Variants in SRGAP1 observed in about 807,000 individuals in gnomAD.
The protein encoded by SRGAP1 is SLIT-ROBO Rho GTPase activating protein 1.
A neutral mutation model predicts 121.9 loss-of-function variants in SRGAP1; 43 were observed. The observed-to-expected ratio is 0.35, with a 90% CI of 0.28 to 0.46. SRGAP1 has a LOEUF of 0.46. SRGAP1 is among the 20% of genes least tolerant of loss of function. The pLI is 1.00. For missense variants in SRGAP1, 1,102 were observed against 1,350.9 expected (o/e 0.82, Z 2.89); for synonymous variants, 447 against 485.4 (o/e 0.92, Z 1.04).
At chr12:63,918,159 A>G (rs946611554) in intron 1 of SRGAP1, among the ~76,000 whole-genome samples, 1 of 152,210 alleles carries the variant, frequency 6.6e-6, no homozygotes, top group Non-Finnish European at 1.5e-5. Context: ...CTTGAGCAAT[A>G]AAAAGCCGCT....
At chr12:63,977,735 C>T (rs2033131175) in intron 1 of SRGAP1, among the ~76,000 whole-genome samples, 1 of 151,370 alleles carries the variant, frequency 6.6e-6, no homozygotes, top group Non-Finnish European at 1.5e-5. Context: ...GTGCATTGTT[C>T]TTGTTGGATT....
At chr12:64,066,895 T>A (rs765811860) in intron 8 of SRGAP1, among the ~76,000 whole-genome samples, 1 of 152,214 alleles carries the variant, frequency 6.6e-6, no homozygotes, top group Non-Finnish European at 1.5e-5. Context: ...TGTTTTTCCC[T>A]GCATATCCTC....
chr12:64,071,005 T>G (rs567399302), intron 8 of SRGAP1, among the ~76,000 whole-genome samples: 1 of 152,288 alleles, frequency 6.6e-6, no homozygotes, highest in South Asian at 2.1e-4. Flanking sequence ...GCCTTTAACT[T>G]CATTTTTACT....
At chr12:63,985,273 G>A (rs948343054) in intron 2 of SRGAP1, among the ~76,000 whole-genome samples, 1 of 152,262 alleles carries the variant, frequency 6.6e-6, no homozygotes, top group South Asian at 2.1e-4. Flanking sequence ...GCAAGGGGCC[G>A]GCAGGGAATG....
chr12:64,018,210 TCCAGAGTAGCTGGGATTACA>T (rs1056598629), intron 4 of SRGAP1, among the ~76,000 whole-genome samples: 1 of 152,168 alleles, frequency 6.6e-6, no homozygotes, highest in Non-Finnish European at 1.5e-5. Context: ...TGCCTCAGCC[TCCAGAGTAGCTGGGATTACA>T]GGCATGCGCC....
chr12:63,924,077 G>A (rs996656672), intron 1 of SRGAP1, among the ~76,000 whole-genome samples: 4 of 152,162 alleles, frequency 2.6e-5, no homozygotes, highest in African/African-American at 9.7e-5. Flanking sequence ...GGAGGTGGAG[G>A]TTGCAGGGAG....
chr12:64,101,309 G>C (rs1199763420), intron 15 of SRGAP1, among the ~76,000 whole-genome samples: 2 of 27,594 alleles, frequency 7.2e-5, no homozygotes, highest in South Asian at 2.5e-3. Context: ...GGGGAAAGGG[G>C]TGTGTGTGTG....
chr12:64,154,324 G>C lies in SRGAP1; in HGVS notation c.*11652G>C, dbSNP rs998703980. On this transcript the variant is annotated 3_prime_UTR_variant, in exon 22 of 22. Coordinates refer to ENST00000355086, the MANE Select transcript of SRGAP1 (RefSeq NM_020762.4). The stretch of plus-strand genomic sequence containing the variant: ...AATTTTAAACATCACTGTAGATGTT[G>C]TAGTTGTGTTTGGGGTCCACGGGTG... 1 of 152,134 alleles carries C rather than the reference G, an allele frequency of 6.6e-6. No individual in the cohort carries two copies. Among genetic ancestry groups the C allele is most frequent in the African/African-American group, 2.4e-5 (1 of 41,434 alleles). 9.4% of individuals were successfully genotyped at this position (152,134 alleles called of 1,614,324 possible). A position where few individuals can be genotyped will look rare whatever the true frequency, so the allele number is the denominator to read the frequency against.
At chr12:64,059,541 A>G (rs553607240) in intron 6 of SRGAP1, among the ~76,000 whole-genome samples, 1 of 152,244 alleles carries the variant, frequency 6.6e-6, no homozygotes, top group African/African-American at 2.4e-5. Context: ...CTGCTGCATT[A>G]TAATCCAGTA....
At position 63,954,366 on chromosome 12, in the gene SRGAP1, T is replaced by C. The variant is rs755388307; in HGVS notation, c.68-29581T>C. On this transcript the variant is annotated intron_variant, in intron 1 of 21. Transcript: ENST00000355086. The stretch of plus-strand genomic sequence containing the variant: ...TCTTTGCCTTATTTAAATGGAATTT[T>C]CCCCCATCTTTCTCATTAAAAAGAA... Among the ~76,000 whole-genome samples the C allele has an allele frequency of 3.3e-5, 5 of 152,314 alleles. No individual in the cohort carries two copies. The South Asian group carries it at 6.2e-4, about 19-fold the overall frequency.
At chr12:64,082,815 C>T (rs939319177) in intron 10 of SRGAP1, among the ~76,000 whole-genome samples, 7 of 152,200 alleles carry the variant, frequency 4.6e-5, no homozygotes, top group Middle Eastern at 3.4e-3. Context: ...GCTGTGCTGA[C>T]GTGTATAAAA....
chr12:64,009,668 C>T (rs1287216579), intron 3 of SRGAP1, among the ~76,000 whole-genome samples: 1 of 152,098 alleles, frequency 6.6e-6, no homozygotes, highest in Non-Finnish European at 1.5e-5. Context: ...TAAGTTTTGT[C>T]TTGATTTGAA....
At chr12:63,879,904 T>C (rs1326956970) in intron 1 of SRGAP1, among the ~76,000 whole-genome samples, 1 of 152,158 alleles carries the variant, frequency 6.6e-6, no homozygotes, top group East Asian at 1.9e-4. Flanking sequence ...CAGACCAAGA[T>C]GGCCGTTGAT....
intron 21 of SRGAP1, among the ~76,000 whole-genome samples, chr12:64,130,571 G>A (rs2036769603): frequency 6.6e-6 from 1 of 152,130 alleles, no homozygotes; most frequent in Non-Finnish European, 1.5e-5. Context: ...CCCCAGCCCT[G>A]CAAAGTATTG....
intron 1 of SRGAP1, among the ~76,000 whole-genome samples, chr12:63,960,462 TCTG>T (rs1228288062): frequency 6.6e-6 from 1 of 152,146 alleles, no homozygotes; most frequent in Non-Finnish European, 1.5e-5. Context: ...CTGCAGTCAT[TCTG>T]CTACCAGAGT....
chr12:64,043,654 G>A lies in SRGAP1; in HGVS notation c.801+79G>A, dbSNP rs1593072183. 1.1e-5 allele frequency: 13 copies of A among 1,142,452 alleles called. No individual in the cohort carries two copies. The East Asian group carries it at 3.0e-4, about 26-fold the overall frequency. The allele number at this position is 1,142,452 out of a possible 1,614,324, so 70.8% of individuals were successfully genotyped here. Reference sequence around the variant, plus strand: ...CATATTTCGTTGATTGGAAAATACTGTCATTTCTTAAGACTGTTATTTTAC... The same window carrying A: ...CATATTTCGTTGATTGGAAAATACTATCATTTCTTAAGACTGTTATTTTAC... On this transcript the variant is annotated intron_variant, in intron 6 of 21. Transcript: ENST00000355086.
At position 63,845,274 on chromosome 12, in the gene SRGAP1, A is replaced by G. The variant is rs115339166; in HGVS notation, c.67+391A>G. Among the ~76,000 whole-genome samples, 1,187 of 152,262 alleles carry G rather than the reference A, an allele frequency of 7.8e-3. 12 individuals are homozygous for G. The highest frequency in any genetic ancestry group is 0.027 in the African/African-American group (1,139 of 41,548). ...AGGATTGTCACTACGTAATTTTTTTACGGAATGATTTTTGTAAAGTCTGTG... is the reference window on the plus strand; with the variant it reads ...AGGATTGTCACTACGTAATTTTTTTGCGGAATGATTTTTGTAAAGTCTGTG... On this transcript the variant is annotated intron_variant, in intron 1 of 21. Coordinates refer to ENST00000355086, the MANE Select transcript of SRGAP1 (RefSeq NM_020762.4).
intron 1 of SRGAP1, among the ~76,000 whole-genome samples, chr12:63,942,433 T>G (rs1364617626): frequency 1.3e-5 from 2 of 152,234 alleles, no homozygotes; most frequent in Non-Finnish European, 2.9e-5. Flanking sequence ...TTAAATTATT[T>G]GGAAGATTTG....
rs2334887 is a variant in SRGAP1 at position 64,143,718 on chromosome 12, G to T, written c.*1046G>T. Reference sequence around the variant, plus strand: ...GCTACTCGGGTGGTTTACACAGGAGGATGGCTTTGGGCCTAGTAGTTCGAG... The same window carrying T: ...GCTACTCGGGTGGTTTACACAGGAGTATGGCTTTGGGCCTAGTAGTTCGAG... On this transcript the variant is annotated 3_prime_UTR_variant, in exon 22 of 22. Coordinates refer to ENST00000355086, the MANE Select transcript of SRGAP1 (RefSeq NM_020762.4). The T allele has an allele frequency of 2.3e-5, 2 of 87,118 alleles. No individual in the cohort carries two copies. The highest frequency in any genetic ancestry group is 5.0e-5 in the Non-Finnish European group (2 of 39,996). 5.4% of individuals were successfully genotyped at this position (87,118 alleles called of 1,614,324 possible).
Sources: gnomAD v4.1 joint callset for allele counts (sites outside exome capture counted in the v4.1 genomes callset) on GRCh38, gnomAD v4.1.1 for gene constraint, MANE v1.5 for transcripts, NCBI Gene and HGNC (gene_info 2026-07-23, HGNC 2026-07-21) for gene names.